RXFP1: variants seen among roughly 807,000 people sequenced by gnomAD.
RXFP1 encodes relaxin receptor 1.
In RXFP1, 73 loss-of-function variants were observed where a neutral mutation model predicts 89.8. That is an observed-to-expected ratio of 0.81 (90% CI 0.67 to 0.99). The LOEUF is 0.99. Ranked by LOEUF, RXFP1 falls within the 50% of genes least tolerant of loss-of-function variation. The pLI is 0.00. For synonymous variants in RXFP1, 277 were observed against 305.5 expected, an observed-to-expected ratio of 0.91 and a Z score of 0.97; for missense variants, 793 against 895.5, an observed-to-expected ratio of 0.89 and a Z score of 1.46.
intron 1 of RXFP1, among the ~76,000 whole-genome samples, chr4:158,524,104 T>C (rs1192981112): frequency 1.3e-5 from 2 of 152,162 alleles, no homozygotes; most frequent in South Asian, 2.1e-4. Flanking sequence ...CTGTGTTCCA[T>C]TCTTTATTAC....
intron 2 of RXFP1, among the ~76,000 whole-genome samples, chr4:158,592,849 G>C (rs181717946): frequency 6.6e-6 from 1 of 152,032 alleles, no homozygotes; most frequent in African/African-American, 2.4e-5. Context: ...CCAACACTTT[G>C]GGGGGCCGAG....
At chr4:158,610,761 G>A (rs1043539476) in intron 6 of RXFP1, 9 of 1,240,038 alleles carry the variant, frequency 7.3e-6, no homozygotes, top group Non-Finnish European at 9.5e-6. Flanking sequence ...CCCTGAGGTT[G>A]TAAGTCATTT....
At chr4:158,605,485 T>C (rs1762400395) in intron 5 of RXFP1, among the ~76,000 whole-genome samples, 1 of 152,236 alleles carries the variant, frequency 6.6e-6, no homozygotes, top group African/African-American at 2.4e-5. Context: ...AGAAAAATGT[T>C]ACGCTCTTTT....
intron 5 of RXFP1, 41 bp downstream of exon 5, chr4:158,605,180 A>G: frequency 4.0e-6 from 5 of 1,247,244 alleles, no homozygotes; most frequent in Non-Finnish European, 5.8e-6. Flanking sequence ...ATTAACTAGC[A>G]TTTTTGGCCA....
chr4:158,612,121 C>T lies in RXFP1; in HGVS notation c.537-9C>T, dbSNP rs1206301192. On this transcript the variant is annotated splice_polypyrimidine_tract_variant and intron_variant, in intron 6 of 17. Transcript: ENST00000307765. ...TACAAATTTATTGTAGTTATTTCTCCTTTTCCAGGTATCTCAGTCATAACA... is the reference window on the plus strand; with the variant it reads ...TACAAATTTATTGTAGTTATTTCTCTTTTTCCAGGTATCTCAGTCATAACA... The T allele has an allele frequency of 1.3e-6, 2 of 1,584,386 alleles. No individual in the cohort carries two copies. Among genetic ancestry groups the T allele is most frequent in the East Asian group, 2.2e-5 (1 of 44,598 alleles).
chr4:158,578,687 C>A (rs1756738330), intron 2 of RXFP1, among the ~76,000 whole-genome samples: 1 of 152,242 alleles, frequency 6.6e-6, no homozygotes, highest in Admixed American at 6.5e-5. Context: ...CATGGTTACA[C>A]TAACCCAACC....
chr4:158,547,059 G>C (rs1231594580), intron 1 of RXFP1, among the ~76,000 whole-genome samples: 3 of 152,086 alleles, frequency 2.0e-5, no homozygotes, highest in Non-Finnish European at 4.4e-5. Flanking sequence ...GTAGAATTCG[G>C]CTGTGAATCC....
intron 14 of RXFP1, among the ~76,000 whole-genome samples, chr4:158,643,805 C>A (rs1372755537): frequency 2.0e-5 from 3 of 151,882 alleles, no homozygotes; most frequent in South Asian, 4.1e-4. Context: ...TTCTGAGGAA[C>A]CCCCATATTG....
intron 3 of RXFP1, among the ~76,000 whole-genome samples, chr4:158,598,418 G>T (rs1761041296): frequency 6.6e-6 from 1 of 152,138 alleles, no homozygotes; most frequent in Non-Finnish European, 1.5e-5. Flanking sequence ...AGACACTGGA[G>T]TCTGTAACCC....
At chr4:158,638,892 T>A (rs1259504926) in intron 13 of RXFP1, among the ~76,000 whole-genome samples, 2 of 150,892 alleles carry the variant, frequency 1.3e-5, no homozygotes, top group South Asian at 2.1e-4. Flanking sequence ...TAGAAAAAAA[T>A]TTATTAATTA....
Position 158,605,089 on chromosome 4 carries a change from A to C in RXFP1, c.414A>C (p.Ile138=), listed in dbSNP as rs1192116489. The C allele has an allele frequency of 3.8e-6, 6 of 1,589,996 alleles. No individual in the cohort carries two copies. The highest frequency in any genetic ancestry group is 5.2e-6 in the Non-Finnish European group (6 of 1,162,740). The change falls in exon 5 of 18, where the codon ATA becomes ATC. Residue 138 remains isoleucine (I), a synonymous_variant. Coordinates refer to ENST00000307765, the MANE Select transcript of RXFP1 (RefSeq NM_021634.4). ...TCAGGTCACTTCAGTGGAACTTAAT[A>C]AGAAAGCTTCCTCCTGATTGCTTCA... ...VTAMSLQWNL[I]RKLPPDCFKN...
At chr4:158,645,940 T>G (rs1771456508) in intron 15 of RXFP1, among the ~76,000 whole-genome samples, 1 of 152,138 alleles carries the variant, frequency 6.6e-6, no homozygotes, top group East Asian at 1.9e-4. Flanking sequence ...AGCTACAAAA[T>G]TTTTAGTAAG....
chr4:158,572,637 T>C, intron 1 of RXFP1, 61 bp from the exon 2 acceptor site: 1 of 1,451,358 alleles, frequency 6.9e-7, no homozygotes, highest in Non-Finnish European at 9.7e-7. Context: ...GAGAAACTGC[T>C]CTTTGCCACG....
intron 9 of RXFP1, among the ~76,000 whole-genome samples, chr4:158,624,601 A>T (rs76333652): frequency 1.3e-5 from 2 of 152,128 alleles, no homozygotes; most frequent in Non-Finnish European, 2.9e-5. Flanking sequence ...AAATAAAAAA[A>T]CCTTCGTTAA....
At position 158,585,474 on chromosome 4, in the gene RXFP1, G is replaced by T. The variant is rs73860531; in HGVS notation, c.188-7927G>T. On this transcript the variant is annotated intron_variant, in intron 2 of 17. Coordinates refer to ENST00000307765, the MANE Select transcript of RXFP1 (RefSeq NM_021634.4). ...CAGTGCCAGGGGAATCTAACAACAT[G>T]GGGGGAGAGAGATGCCTTCTCCAGA... Among the ~76,000 whole-genome samples the T allele has an allele frequency of 3.9e-3, 588 of 152,216 alleles. 4 individuals carry two copies. Among genetic ancestry groups the T allele is most frequent in the African/African-American group, 0.013 (560 of 41,532 alleles).
intron 1 of RXFP1, among the ~76,000 whole-genome samples, chr4:158,562,014 A>G (rs1319336654): frequency 6.6e-6 from 1 of 152,168 alleles, no homozygotes; most frequent in Non-Finnish European, 1.5e-5. Context: ...AGTTACCTTA[A>G]ATAGTCCAGT....
chr4:158,627,409 C>A (rs1469515582), intron 10 of RXFP1, among the ~76,000 whole-genome samples: 2 of 151,838 alleles, frequency 1.3e-5, no homozygotes, highest in African/African-American at 2.4e-5. Flanking sequence ...ATTTATTATA[C>A]CCTTGTCAGC....
chr4:158,586,938 A>T (rs1758411369), intron 2 of RXFP1, among the ~76,000 whole-genome samples: 1 of 152,170 alleles, frequency 6.6e-6, no homozygotes, highest in Non-Finnish European at 1.5e-5. Flanking sequence ...TATTTGTAAA[A>T]GCTCAGTTAA....
intron 1 of RXFP1, among the ~76,000 whole-genome samples, chr4:158,547,512 T>G (rs975317577): frequency 6.6e-6 from 1 of 152,210 alleles, no homozygotes; most frequent in Admixed American, 6.5e-5. Flanking sequence ...TGTTTTCTCT[T>G]GCTTTTCTAG....
Sources: allele counts gnomAD v4.1 joint callset (sites outside exome capture counted in the v4.1 genomes callset), GRCh38; gene constraint gnomAD v4.1.1; transcripts MANE v1.5; gene names NCBI Gene and HGNC (gene_info 2026-07-23, HGNC 2026-07-21).